Variants in PLEKHA7 observed in about 807,000 individuals in gnomAD.
PLEKHA7 encodes the protein pleckstrin homology domain-containing family A member 7.
A neutral mutation model predicts 170.0 loss-of-function variants in PLEKHA7; 104 were observed. The ratio of observed to expected loss-of-function variants is 0.61; its 90% CI spans 0.52 to 0.72. PLEKHA7 has a LOEUF of 0.72. Ranked by LOEUF, PLEKHA7 falls within the 30% of genes least tolerant of loss-of-function variation. The probability of loss-of-function intolerance (pLI) is 0.00; values close to 1 mark genes in which losing one functional copy is unlikely to be tolerated. For synonymous variants in PLEKHA7, 648 were observed against 660.8 expected (o/e 0.98, Z 0.30); for missense variants, 1,615 against 1,671.7 (o/e 0.97, Z 0.59).
chr11:16,817,248 A>G lies in PLEKHA7; in HGVS notation c.1418T>C (p.Leu473Pro). ...SLSFPENYQT[L>P]PKSTRHPSGG... ...CGAGGGGTGTCGGGTGCTCTTGGGAAGAGTCTGGTAGTTTTCTGGGAAGGA... is the reference window on the plus strand; with the variant it reads ...CGAGGGGTGTCGGGTGCTCTTGGGAGGAGTCTGGTAGTTTTCTGGGAAGGA... The change falls in exon 11 of 27, where the codon CTT (leucine) becomes CCT (proline). Residue 473 changes from leucine to proline, a missense_variant. By Grantham distance (98) the Leu-to-Pro change is moderately conservative (BLOSUM62 -3). Transcript: ENST00000531066. The surrounding 1 kb of genome is among the most constrained non-coding windows in gnomAD (Gnocchi z 4.4). 6.2e-7 allele frequency: 1 copy of G among 1,613,828 alleles called. No homozygotes were observed.
chr11:16,789,089 A>G lies in PLEKHA7; in HGVS notation c.3357+7T>C, dbSNP rs772634306. On this transcript the variant is annotated splice_region_variant and intron_variant, in intron 23 of 26. Coordinates refer to ENST00000531066, the MANE Select transcript of PLEKHA7 (RefSeq NM_001329630.2). This position sits in a 1 kb window ranked among gnomAD's most constrained non-coding sequence, Gnocchi z 4.6. ...CCTGCCCCGCTGCCTGGCCCCTCCT[A>G]ACATACTGAGCCAAGATCTCCAGGG... 1.2e-6 allele frequency: 2 copies of G among 1,600,730 alleles called. No homozygotes were observed. Among genetic ancestry groups the G allele is most frequent in the African/African-American group, 1.3e-5 (1 of 75,004 alleles).
intron 3 of PLEKHA7, among the ~76,000 whole-genome samples, chr11:16,915,162 A>G (rs1175539760): frequency 2.0e-5 from 3 of 152,208 alleles, no homozygotes; most frequent in Non-Finnish European, 4.4e-5. Context: ...GGCCCTCTCC[A>G]GAGGTGTCTG....
intron 3 of PLEKHA7, chr11:17,013,332 C>A (rs1213152780): frequency 1.3e-5 from 2 of 152,332 alleles, no homozygotes; most frequent in Non-Finnish European, 2.9e-5. Flanking sequence ...AAAAGTCGCC[C>A]GTGGACTAAC....
intron 3 of PLEKHA7, among the ~76,000 whole-genome samples, chr11:16,877,307 T>A (rs1855374787): frequency 6.6e-6 from 1 of 152,196 alleles, no homozygotes; most frequent in Non-Finnish European, 1.5e-5. Context: ...GATAACCTAA[T>A]AATGTTCCTA....
chr11:16,820,123 C>T (rs1336275099), intron 10 of PLEKHA7, among the ~76,000 whole-genome samples: 1 of 152,140 alleles, frequency 6.6e-6, no homozygotes, highest in Non-Finnish European at 1.5e-5. Context: ...CTCAGACCTA[C>T]CTAATCAGAA....
chr11:16,957,877 G>GT (rs537399467), intron 3 of PLEKHA7, among the ~76,000 whole-genome samples: 2 of 151,450 alleles, frequency 1.3e-5, no homozygotes, highest in South Asian at 4.2e-4. Flanking sequence ...CTAATTTTTT[G>GT]TATCTTTAGT....
At chr11:16,912,455 G>A (rs923645037) in intron 3 of PLEKHA7, among the ~76,000 whole-genome samples, 2 of 152,222 alleles carry the variant, frequency 1.3e-5, no homozygotes, top group African/African-American at 4.8e-5. Flanking sequence ...ATAATACTCT[G>A]ACATGGATAT....
Position 16,926,401 on chromosome 11 carries a change from T to C in PLEKHA7, c.222-55219A>G, listed in dbSNP as rs558084909. 4.6e-5 allele frequency among the ~76,000 whole-genome samples: 7 copies of C among 152,272 alleles called. No homozygotes were observed. The East Asian group carries it at 1.4e-3, about 29-fold the overall frequency. On this transcript the variant is annotated intron_variant, in intron 3 of 26. Transcript: ENST00000531066. ...GCAGCCCACACACACTTCTAATTCA[T>C]TCATTAGCACCCGTCCAAATATTCA...
chr11:16,925,761 G>A (rs1859479176), intron 3 of PLEKHA7, among the ~76,000 whole-genome samples: 1 of 152,232 alleles, frequency 6.6e-6, no homozygotes, highest in South Asian at 2.1e-4. Context: ...CATCAGCACC[G>A]ATCAAAGCAC....
chr11:16,805,596 T>A (rs78901752), intron 13 of PLEKHA7, among the ~76,000 whole-genome samples: 23,004 of 151,666 alleles, frequency 0.15, 2,223 homozygotes, highest in Admixed American at 0.26. Flanking sequence ...TCAAGATCAG[T>A]CTGGCCAACA....
intron 3 of PLEKHA7, among the ~76,000 whole-genome samples, chr11:16,989,572 T>A (rs1293063891): frequency 6.6e-6 from 1 of 152,318 alleles, no homozygotes; most frequent in Admixed American, 6.5e-5. Flanking sequence ...GCTCTACTGC[T>A]TTCATGTCAC....
rs1479327564 is a variant in PLEKHA7, at chr11:16,778,267, T to A, written c.*731A>T. On this transcript the variant is annotated 3_prime_UTR_variant, in exon 27 of 27. Coordinates refer to ENST00000531066, the MANE Select transcript of PLEKHA7 (RefSeq NM_001329630.2). The stretch of plus-strand genomic sequence containing the variant: ...CCTGGGCAACAAGAGTGAAACTCCA[T>A]CTCAAAAAAAAAAAAAGATAGCAAA... 1 of 150,710 alleles carries A rather than the reference T, an allele frequency of 6.6e-6. No homozygotes were observed. The highest frequency in any genetic ancestry group is 1.5e-5 in the Non-Finnish European group (1 of 68,010). 9.3% of individuals were successfully genotyped at this position (150,710 alleles called of 1,614,324 possible). A position where few individuals can be genotyped will look rare whatever the true frequency, so the allele number is the denominator to read the frequency against.
chr11:16,868,558 G>A (rs550358707), intron 4 of PLEKHA7, among the ~76,000 whole-genome samples: 1 of 152,294 alleles, frequency 6.6e-6, no homozygotes, highest in South Asian at 2.1e-4. Flanking sequence ...GTAGAGTCCA[G>A]CACAGCCCCA....
Position 16,851,286 on chromosome 11 carries a change from G to C in PLEKHA7, c.601C>G (p.Arg201Gly), listed in dbSNP as rs752629610. The change falls in exon 8 of 27, where the codon CGA (arginine) becomes GGA (glycine). Residue 201 changes from arginine (R) to glycine (G), a missense_variant. Transcript: ENST00000531066. ...ATGCTCCCGAGGACCGCTTCTTCTC[G>C]GCTGTCTTTGAATGGAAAAATGCAT... Reference protein sequence around the residue: ...DYCLFYYKDSREEAVLGSIPL... With the variant: ...DYCLFYYKDSGEEAVLGSIPL... The C allele has an allele frequency of 6.2e-7, 1 of 1,609,284 alleles. No individual in the cohort carries two copies. The highest frequency in any genetic ancestry group is 1.7e-5 in the Admixed American group (1 of 59,598).
intron 3 of PLEKHA7, among the ~76,000 whole-genome samples, chr11:16,972,523 G>C (rs1266857036): frequency 6.6e-6 from 1 of 152,082 alleles, no homozygotes; most frequent in East Asian, 1.9e-4. Flanking sequence ...TGATCTTCCT[G>C]CCTCGGCTTC....
At chr11:16,855,048 A>C (rs536663530) in intron 5 of PLEKHA7, 55 bp from the exon 6 acceptor site, 24 of 1,502,460 alleles carry the variant, frequency 1.6e-5, no homozygotes, top group Non-Finnish European at 2.1e-5. Flanking sequence ...GACACAAAAA[A>C]GCACTTGTAT....
intron 3 of PLEKHA7, among the ~76,000 whole-genome samples, chr11:16,919,488 A>G (rs1858929888): frequency 6.6e-6 from 1 of 152,034 alleles, no homozygotes; most frequent in African/African-American, 2.4e-5. Context: ...CAGCCTGGGC[A>G]ACATAGTGAG....
chr11:16,826,566 C>G lies in PLEKHA7; in HGVS notation c.897G>C (p.Gln299His). ...CTGTGTGGTTGGCCTGGGGGACAGC[C>G]TGCCGCTCCACCTTCTCCATATCCC... ...LKRDMEKVER[Q>H]AVPQANHTES... Residue 299 changes from glutamine (Q) to histidine (H), a missense_variant, in exon 10 of 27, where the codon CAG becomes CAC. Gln to His is a conservative substitution (Grantham distance 24). Coordinates refer to ENST00000531066, the MANE Select transcript of PLEKHA7 (RefSeq NM_001329630.2). The G allele has an allele frequency of 6.2e-7, 1 of 1,613,758 alleles. No individual in the cohort carries two copies.
chr11:16,910,769 A>G, intron 3 of PLEKHA7, among the ~76,000 whole-genome samples: 1 of 152,246 alleles, frequency 6.6e-6, no homozygotes, highest in East Asian at 1.9e-4. Context: ...CCCAAAATCA[A>G]CAAGGGCATT....
Sources: allele counts gnomAD v4.1 joint callset (sites outside exome capture counted in the v4.1 genomes callset), GRCh38; gene constraint gnomAD v4.1.1; non-coding constraint Gnocchi (gnomAD v3.1); transcripts MANE v1.5; gene names NCBI Gene and HGNC (gene_info 2026-07-23, HGNC 2026-07-21).